The following ZBTB7C variants were observed in gnomAD, a reference collection of about 807,000 sequenced individuals.
ZBTB7C encodes zinc finger and BTB domain-containing protein 7C.
ZBTB7C carries 8 observed loss-of-function variants against 25.7 expected under a neutral mutation model. That is an observed-to-expected ratio of 0.31 (90% CI 0.18 to 0.56). The LOEUF (loss-of-function observed/expected upper bound fraction) is 0.56. Among genes scored for constraint, ZBTB7C ranks in the 20% least tolerant of loss-of-function variants. ZBTB7C has a pLI of 0.91. For missense variants in ZBTB7C, 824 were observed against 855.2 expected (o/e 0.96, Z 0.46); for synonymous variants, 394 against 369.0 (o/e 1.07, Z -0.78).
intron 3 of ZBTB7C, among the ~76,000 whole-genome samples, chr18:48,092,669 C>T (rs774347403): frequency 4.6e-5 from 7 of 152,300 alleles, no homozygotes; most frequent in South Asian, 2.1e-4. Context: ...GGATGGTTTA[C>T]GCCAGAAGAA....
At chr18:48,149,084 G>A (rs1440402178) in intron 3 of ZBTB7C, 1 of 152,350 alleles carries the variant, frequency 6.6e-6, no homozygotes, top group Non-Finnish European at 1.5e-5. Flanking sequence ...TTAACCAGGA[G>A]GAGGAAGGGT....
intron 3 of ZBTB7C, among the ~76,000 whole-genome samples, chr18:48,118,758 T>C (rs1293368919): frequency 1.3e-5 from 2 of 152,236 alleles, no homozygotes; most frequent in Non-Finnish European, 2.9e-5. Context: ...TGCTAAGTGA[T>C]AAAAGTAGCA....
At chr18:48,154,821 C>T (rs13381363) in intron 3 of ZBTB7C, among the ~76,000 whole-genome samples, 3,115 of 152,298 alleles carry the variant, frequency 0.02, 112 homozygotes, top group African/African-American at 0.071. Flanking sequence ...TCTGTGTCCT[C>T]TGATTAAATG....
intron 2 of ZBTB7C, chr18:48,252,626 G>A (rs1025732714): frequency 3.9e-5 from 6 of 152,410 alleles, no homozygotes; most frequent in African/African-American, 1.4e-4. Context: ...TTTGTTTGTA[G>A]TCTAAGTGAC....
intron 3 of ZBTB7C, among the ~76,000 whole-genome samples, chr18:48,142,782 C>T (rs560167090): frequency 6.6e-6 from 1 of 152,092 alleles, no homozygotes; most frequent in South Asian, 2.1e-4. Flanking sequence ...GGCAGATTCC[C>T]TCTTGTCTTC....
intron 2 of ZBTB7C, among the ~76,000 whole-genome samples, chr18:48,282,014 A>G (rs2144640042): frequency 6.8e-6 from 1 of 147,638 alleles, no homozygotes; most frequent in South Asian, 2.2e-4. Context: ...ATGCACACGT[A>G]TGTTTATTGC....
chr18:48,258,031 C>T (rs116807952), intron 2 of ZBTB7C, among the ~76,000 whole-genome samples: 2,273 of 152,194 alleles, frequency 0.015, 63 homozygotes, highest in African/African-American at 0.051. Context: ...AAGACCCCAT[C>T]TCTAGGAAAA....
chr18:48,401,058 C>T (rs1027861223), intron 1 of ZBTB7C, among the ~76,000 whole-genome samples: 3 of 152,172 alleles, frequency 2.0e-5, no homozygotes, highest in Non-Finnish European at 4.4e-5. Context: ...TCTCTCCTTC[C>T]GTTCAAGGTA....
chr18:48,074,346 T>TG (rs1460621330), intron 3 of ZBTB7C, among the ~76,000 whole-genome samples: 1 of 152,182 alleles, frequency 6.6e-6, no homozygotes, highest in African/African-American at 2.4e-5. Flanking sequence ...ACCCTCCATC[T>TG]GGGGGGCAGT....
intron 2 of ZBTB7C, among the ~76,000 whole-genome samples, chr18:48,277,110 C>A (rs1457372534): frequency 1.0e-4 from 15 of 147,032 alleles, no homozygotes; most frequent in Admixed American, 3.4e-4. Context: ...TCCAAAACAC[C>A]AAAAGCAATG....
At chr18:48,051,600 G>T (rs982877560) in intron 3 of ZBTB7C, among the ~76,000 whole-genome samples, 11 of 136,762 alleles carry the variant, frequency 8.0e-5, no homozygotes, top group Admixed American at 6.8e-4. Context: ...GTCACAAAGT[G>T]ATGGGATGAG....
chr18:48,166,171 C>T (rs10048274), intron 3 of ZBTB7C, among the ~76,000 whole-genome samples: 2,235 of 146,510 alleles, frequency 0.015, 59 homozygotes, highest in African/African-American at 0.054. Flanking sequence ...ACAACCATCA[C>T]CACTATTTCC....
intron 2 of ZBTB7C, among the ~76,000 whole-genome samples, chr18:48,190,505 A>G (rs2042167335): frequency 6.6e-6 from 1 of 152,194 alleles, no homozygotes; most frequent in African/African-American, 2.4e-5. Context: ...TCATCCAGCT[A>G]GCAGACACTG....
chr18:48,070,697 G>C (rs1487647746), intron 3 of ZBTB7C, among the ~76,000 whole-genome samples: 1 of 152,212 alleles, frequency 6.6e-6, no homozygotes, highest in African/African-American at 2.4e-5. Flanking sequence ...AAGTCACCAA[G>C]AGTGACAGGC....
chr18:48,255,560 C>T (rs1431598133), intron 2 of ZBTB7C, among the ~76,000 whole-genome samples: 1 of 152,110 alleles, frequency 6.6e-6, no homozygotes, highest in African/African-American at 2.4e-5. Context: ...ATATAATAGT[C>T]AAATCTCTAA....
chr18:48,247,004 T>C (rs1203857107), intron 2 of ZBTB7C, among the ~76,000 whole-genome samples: 1 of 152,170 alleles, frequency 6.6e-6, no homozygotes, highest in Non-Finnish European at 1.5e-5. Context: ...TACCCCAGGG[T>C]TGCAAGCAAG....
chr18:48,167,648 GC>G (rs1463635018), intron 3 of ZBTB7C, among the ~76,000 whole-genome samples: 1 of 151,302 alleles, frequency 6.6e-6, no homozygotes, highest in Non-Finnish European at 1.5e-5. Context: ...CTTCCAAGAA[GC>G]TTTTCAAAGC....
chr18:48,378,718 C>T lies in ZBTB7C; in HGVS notation c.-304+30508G>A, dbSNP rs537702546. 3.3e-5 allele frequency among the ~76,000 whole-genome samples: 5 copies of T among 152,176 alleles called. No individual in the cohort carries two copies. In the East Asian group the frequency reaches 9.6e-4, roughly 29 times the overall value. ...CTTAAAAAAAATTACCATTAATTTC[C>T]TCAGACAGACAATATGCAATCATAA... On this transcript the variant is annotated intron_variant, in intron 1 of 4. Transcript: ENST00000590800.
intron 1 of ZBTB7C, among the ~76,000 whole-genome samples, chr18:48,355,816 G>A (rs2046965122): frequency 6.6e-6 from 1 of 152,212 alleles, no homozygotes; most frequent in African/African-American, 2.4e-5. Flanking sequence ...GACACTCCCT[G>A]CTTCACATTC....
Sources: allele counts gnomAD v4.1 joint callset (sites outside exome capture counted in the v4.1 genomes callset), GRCh38; gene constraint gnomAD v4.1.1; transcripts MANE v1.5; gene names NCBI Gene and HGNC (gene_info 2026-07-23, HGNC 2026-07-21).